The following MOK variants were observed in gnomAD, a reference collection of about 807,000 sequenced individuals.
The protein encoded by MOK is MOK protein kinase, also known as MAPK/MAK/MRK overlapping kinase.
Under a neutral mutation model 54.2 loss-of-function variants are expected in MOK, and 59 were observed. The observed-to-expected ratio is 1.09, with a 90% CI of 0.88 to 1.35. The LOEUF (loss-of-function observed/expected upper bound fraction) is 1.35, where lower values mean the gene tolerates loss of function less well. Ranked by LOEUF, MOK falls within the 40% of genes most tolerant of loss-of-function variation. The pLI is 0.00. For synonymous variants in MOK, 210 were observed against 202.7 expected, an observed-to-expected ratio of 1.04 and a Z score of -0.31; for missense variants, 517 against 526.2, an observed-to-expected ratio of 0.98 and a Z score of 0.17.
At chr14:102,226,338 G>C (rs775786285), downstream of MOK, 4 of 703,144 alleles carry the variant, frequency 5.7e-6, no homozygotes, top group Non-Finnish European at 7.8e-6. This position sits in a 1 kb window ranked among gnomAD's most constrained non-coding sequence, Gnocchi z 4.8. Flanking sequence ...CTCAGCAGAG[G>C]GTTGAGGGAT....
At chr14:102,247,037 A>T (rs913881037) in intron 7 of MOK, among the ~76,000 whole-genome samples, 1 of 151,398 alleles carries the variant, frequency 6.6e-6, no homozygotes, top group Non-Finnish European at 1.5e-5. Context: ...CGACACCCCC[A>T]TTTATCCCTC....
At chr14:102,276,442 T>A (rs1237815008) in intron 2 of MOK, among the ~76,000 whole-genome samples, 1 of 151,964 alleles carries the variant, frequency 6.6e-6, no homozygotes, top group African/African-American at 2.4e-5. Context: ...TGAGCCGAGA[T>A]AGCCAGCCTG....
downstream of MOK, among the ~76,000 whole-genome samples, chr14:102,222,132 A>T (rs967996962): frequency 6.6e-6 from 1 of 151,154 alleles, no homozygotes; most frequent in Non-Finnish European, 1.5e-5. The surrounding 1 kb of genome is among the most constrained non-coding windows in gnomAD (Gnocchi z 4.4). Flanking sequence ...GCCGCCCTAA[A>T]GAGCCAGATG....
chr14:102,257,975 CAAA>C (rs34751303), intron 4 of MOK, among the ~76,000 whole-genome samples: 9 of 102,524 alleles, frequency 8.8e-5, no homozygotes, highest in South Asian at 3.3e-4. Context: ...GACTCTGTCT[CAAA>C]AAAAAAAAAA....
chr14:102,293,257 G>A (rs1463057586), intron 1 of MOK, among the ~76,000 whole-genome samples: 1 of 152,178 alleles, frequency 6.6e-6, no homozygotes, highest in Non-Finnish European at 1.5e-5. Flanking sequence ...AACAAACTAT[G>A]AAATAGCCAC....
chr14:102,273,650 G>A (rs2068586520), intron 2 of MOK, among the ~76,000 whole-genome samples: 1 of 151,950 alleles, frequency 6.6e-6, no homozygotes, highest in East Asian at 1.9e-4. Flanking sequence ...ATGGTGACAC[G>A]TGCCTGTAAT....
At chr14:102,217,488 C>A in the MOK span, among the ~76,000 whole-genome samples, 1 of 152,204 alleles carries the variant, frequency 6.6e-6, no homozygotes, top group East Asian at 1.9e-4. Flanking sequence ...CTCACTGTCA[C>A]CTGTCAGTGG....
chr14:102,277,393 C>G (rs144510535), intron 2 of MOK: 1 of 152,100 alleles, frequency 6.6e-6, no homozygotes, highest in Non-Finnish European at 1.5e-5. Flanking sequence ...GAGGCTGAAG[C>G]GGGTGGATCA....
chr14:102,261,171 C>A (rs531483302), intron 4 of MOK, among the ~76,000 whole-genome samples: 14 of 150,018 alleles, frequency 9.3e-5, no homozygotes, highest in African/African-American at 3.4e-4. Context: ...GCAGGAGAAT[C>A]GCTTGCACCT....
At chr14:102,220,216 G>A (rs895496193), downstream of MOK, among the ~76,000 whole-genome samples, 1 of 152,130 alleles carries the variant, frequency 6.6e-6, no homozygotes, top group Non-Finnish European at 1.5e-5. This position sits in a 1 kb window ranked among gnomAD's most constrained non-coding sequence, Gnocchi z 4.2. Context: ...GTCCTCTGGG[G>A]CCTCACACTC....
the MOK span, among the ~76,000 whole-genome samples, chr14:102,217,158 A>G: frequency 1.2e-4 from 19 of 152,170 alleles, no homozygotes; most frequent in African/African-American, 4.3e-4. Context: ...TATGGAGACT[A>G]AGTGGGGTCC....
Position 102,295,553 on chromosome 14 carries a change from T to C in MOK, c.7+9409A>G, listed in dbSNP as rs10140958. On this transcript the variant is annotated intron_variant, in intron 1 of 11. Transcript: ENST00000361847. ...GGGGAGGTTAATTGCTGACTACAAC[T>C]AGAGTATGCGAGGAAGAAGATTTCA... 6.7e-3 allele frequency among the ~76,000 whole-genome samples: 1,014 copies of C among 152,328 alleles called. 12 individuals carry two copies. Among genetic ancestry groups the C allele is most frequent in the African/African-American group, 0.023 (948 of 41,584 alleles).
intron 1 of MOK, among the ~76,000 whole-genome samples, chr14:102,284,442 T>G (rs2069802654): frequency 6.6e-6 from 1 of 151,924 alleles, no homozygotes; most frequent in Non-Finnish European, 1.5e-5. Flanking sequence ...AGTACGCTAA[T>G]TACTACTGAC....
chr14:102,246,049 ATACT>A (rs2066066710), intron 7 of MOK: 1 of 152,352 alleles, frequency 6.6e-6, no homozygotes, highest in African/African-American at 2.4e-5. Flanking sequence ...AGGCATTATA[ATACT>A]TACCCTATTG....
At chr14:102,289,261 A>G (rs963551889) in intron 1 of MOK, among the ~76,000 whole-genome samples, 3 of 152,102 alleles carry the variant, frequency 2.0e-5, no homozygotes, top group Non-Finnish European at 4.4e-5. Context: ...GAAAAAAAAA[A>G]CAGAGTTAGG....
chr14:102,279,623 T>C (rs918865219), intron 2 of MOK, among the ~76,000 whole-genome samples: 2 of 152,066 alleles, frequency 1.3e-5, no homozygotes, highest in Admixed American at 1.3e-4. Flanking sequence ...CTATTCTTAA[T>C]TGTGTACTTT....
chr14:102,303,417 C>T (rs1165309112), intron 1 of MOK, among the ~76,000 whole-genome samples: 2 of 152,084 alleles, frequency 1.3e-5, no homozygotes, highest in African/African-American at 2.4e-5. Context: ...GTCATTTGGC[C>T]TACAGAGGAC....
chr14:102,299,609 A>C (rs1286741673), intron 1 of MOK, among the ~76,000 whole-genome samples: 1 of 152,028 alleles, frequency 6.6e-6, no homozygotes, highest in Non-Finnish European at 1.5e-5. Flanking sequence ...TTTTTGAAAC[A>C]GGGTCTTCCT....
intron 2 of MOK, among the ~76,000 whole-genome samples, chr14:102,266,544 C>A (rs1008307934): frequency 6.6e-6 from 1 of 151,922 alleles, no homozygotes; most frequent in Admixed American, 6.6e-5. Flanking sequence ...GCCACTGTGC[C>A]CGGCCTCTTT....
Sources: allele counts gnomAD v4.1 joint callset (sites outside exome capture counted in the v4.1 genomes callset), GRCh38; gene constraint gnomAD v4.1.1; non-coding constraint Gnocchi (gnomAD v3.1); transcripts MANE v1.5; gene names NCBI Gene and HGNC (gene_info 2026-07-23, HGNC 2026-07-21).